TENM2: variants seen among roughly 807,000 people sequenced by gnomAD.
The protein encoded by TENM2 is teneurin-2.
Under a neutral mutation model 245.2 loss-of-function variants are expected in TENM2, and 52 were observed. The ratio of observed to expected loss-of-function variants is 0.21; its 90% CI spans 0.17 to 0.27. The LOEUF (loss-of-function observed/expected upper bound fraction) is 0.27. Among genes scored for constraint, TENM2 ranks in the 10% least tolerant of loss-of-function variants. The probability of loss-of-function intolerance (pLI) is 1.00; values close to 1 mark genes in which losing one functional copy is unlikely to be tolerated. For missense variants in TENM2, 3,046 were observed against 3,666.8 expected (o/e 0.83, Z 4.37); for synonymous variants, 1,363 against 1,438.9 (o/e 0.95, Z 1.19).
At chr5:167,449,381 AGGCTCCCATGTGCGGT>A (rs1338234480) in intron 2 of TENM2, among the ~76,000 whole-genome samples, 2 of 152,062 alleles carry the variant, frequency 1.3e-5, no homozygotes, top group Non-Finnish European at 2.9e-5. Context: ...GGATGCTTCC[AGGCTCCCATGTGCGGT>A]GGCTCCAGCC....
At chr5:167,409,879 T>C (rs1008258788) in intron 2 of TENM2, among the ~76,000 whole-genome samples, 9 of 151,944 alleles carry the variant, frequency 5.9e-5, no homozygotes, top group Non-Finnish European at 7.4e-5. Context: ...GGAATTTTCT[T>C]GTGATGTTGA....
rs183969082 is a variant in TENM2 at position 167,806,757 on chromosome 5, G to T, written c.503-69229G>T. Among the ~76,000 whole-genome samples, 5 of 152,100 alleles carry T rather than the reference G, an allele frequency of 3.3e-5. No individual in the cohort carries two copies. The East Asian group carries it at 9.7e-4, about 29-fold the overall frequency. ...CTGAAAGCTTACACTTGCAGTTATG[G>T]TTTCTTAGGGTGAAAGAATACATAT... On this transcript the variant is annotated intron_variant, in intron 2 of 28. Transcript: ENST00000518659.
rs192371067 is a variant in TENM2 at position 168,152,865 on chromosome 5, G to A, written c.2423-9746G>A. Among the ~76,000 whole-genome samples the A allele has an allele frequency of 2.2e-4, 34 of 152,222 alleles. No homozygotes were observed. In the East Asian group the frequency reaches 6.4e-3, roughly 29 times the overall value. On this transcript the variant is annotated intron_variant, in intron 12 of 28. Coordinates refer to ENST00000518659, the Ensembl canonical transcript of TENM2. Reference sequence around the variant, plus strand: ...AAACCCACATCCGCATTCATACACAGCCCCTGTCATCAGCTTGGTTTTGAA... The same window carrying A: ...AAACCCACATCCGCATTCATACACAACCCCTGTCATCAGCTTGGTTTTGAA...
At chr5:167,004,133 C>G in the TENM2 span, among the ~76,000 whole-genome samples, 3 of 152,172 alleles carry the variant, frequency 2.0e-5, no homozygotes, top group African/African-American at 7.2e-5. Flanking sequence ...GGGTAATTCA[C>G]AGCCTTGCAC....
intron 2 of TENM2, among the ~76,000 whole-genome samples, chr5:167,585,211 A>G (rs1231454652): frequency 6.6e-6 from 1 of 152,166 alleles, no homozygotes; most frequent in African/African-American, 2.4e-5. Context: ...TCCCCAGAAT[A>G]GAATCGTTAT....
chr5:167,704,098 GC>G (rs1758344363), intron 2 of TENM2, among the ~76,000 whole-genome samples: 1 of 152,096 alleles, frequency 6.6e-6, no homozygotes, highest in Non-Finnish European at 1.5e-5. Context: ...GTGGAAATTG[GC>G]CGTGGTACAA....
intron 2 of TENM2, among the ~76,000 whole-genome samples, chr5:167,470,174 C>T (rs1766923294): frequency 6.6e-6 from 1 of 151,964 alleles, no homozygotes; most frequent in African/African-American, 2.4e-5. Context: ...GGATTTCTAC[C>T]ATAATGAAGC....
chr5:167,167,809 T>G, the TENM2 span, among the ~76,000 whole-genome samples: 2 of 152,158 alleles, frequency 1.3e-5, no homozygotes, highest in African/African-American at 4.8e-5. Flanking sequence ...TTGTAAGTAT[T>G]CAGAAAACAC....
intron 25 of TENM2, among the ~76,000 whole-genome samples, chr5:168,236,019 G>A (rs2152655403): frequency 6.6e-6 from 1 of 152,326 alleles, no homozygotes; most frequent in Middle Eastern, 3.4e-3. Flanking sequence ...TGAGGCAGAA[G>A]AGACTTCTGC....
At chr5:167,159,760 T>A in the TENM2 span, among the ~76,000 whole-genome samples, 1 of 152,192 alleles carries the variant, frequency 6.6e-6, no homozygotes, top group Admixed American at 6.5e-5. Flanking sequence ...TTCAGTTCTG[T>A]TTGGATAGAC....
chr5:168,216,874 C>T, exon 22 of TENM2: 4 of 1,613,990 alleles, frequency 2.5e-6, no homozygotes, highest in Non-Finnish European at 3.4e-6. Flanking sequence ...CCAATGACCT[C>T]ACTGCCGTCC....
intron 1 of TENM2, among the ~76,000 whole-genome samples, chr5:167,292,114 C>A (rs980080038): frequency 6.6e-6 from 1 of 152,116 alleles, no homozygotes; most frequent in South Asian, 2.1e-4. Flanking sequence ...GAAAAACTTA[C>A]CCCCATGATT....
At chr5:167,250,278 G>A in the TENM2 span, among the ~76,000 whole-genome samples, 1 of 152,022 alleles carries the variant, frequency 6.6e-6, no homozygotes, top group Non-Finnish European at 1.5e-5. Context: ...CCGTGATACT[G>A]CCACTGCACT....
intron 2 of TENM2, among the ~76,000 whole-genome samples, chr5:167,812,150 A>G (rs763407584): frequency 4.9e-4 from 74 of 152,218 alleles, no homozygotes; most frequent in Non-Finnish European, 1.0e-3. Flanking sequence ...AAAGTGCTAC[A>G]TAAGATGAGA....
chr5:167,061,955 G>C, the TENM2 span, among the ~76,000 whole-genome samples: 1 of 151,678 alleles, frequency 6.6e-6, no homozygotes, highest in African/African-American at 2.4e-5. Flanking sequence ...TCATGAAACT[G>C]TCAATAGAAT....
intron 2 of TENM2, among the ~76,000 whole-genome samples, chr5:167,451,389 C>T (rs2127475130): frequency 6.6e-6 from 1 of 152,276 alleles, no homozygotes; most frequent in Admixed American, 6.5e-5. Context: ...TCTTTGTCTT[C>T]GTGCTTCAGT....
chr5:167,675,938 T>C (rs1268975497), intron 2 of TENM2, among the ~76,000 whole-genome samples: 1 of 152,074 alleles, frequency 6.6e-6, no homozygotes, highest in Non-Finnish European at 1.5e-5. Context: ...GCTTGGGTAG[T>C]ACATGAATGT....
intron 2 of TENM2, among the ~76,000 whole-genome samples, chr5:167,472,104 T>C (rs1561984150): frequency 6.6e-6 from 1 of 152,116 alleles, no homozygotes; most frequent in Non-Finnish European, 1.5e-5. Context: ...TAGTCTCCCT[T>C]TAACTTCCAG....
chr5:167,307,677 T>G (rs1216650176), intron 1 of TENM2, among the ~76,000 whole-genome samples: 1 of 152,190 alleles, frequency 6.6e-6, no homozygotes, highest in Non-Finnish European at 1.5e-5. Context: ...CAACATCACC[T>G]GCTGGTGAGG....
Sources: gnomAD v4.1 joint callset for allele counts (sites outside exome capture counted in the v4.1 genomes callset) on GRCh38, gnomAD v4.1.1 for gene constraint, MANE v1.5 for transcripts, NCBI Gene and HGNC (gene_info 2026-07-23, HGNC 2026-07-21) for gene names.